FAF2: variants seen among roughly 807,000 people sequenced by gnomAD.
FAF2 encodes Fas associated factor family member 2.
FAF2 carries 9 observed loss-of-function variants against 62.3 expected under a neutral mutation model. That is an observed-to-expected ratio of 0.14 (90% CI 0.09 to 0.25). The LOEUF (loss-of-function observed/expected upper bound fraction) is 0.25, where lower values mean the gene tolerates loss of function less well. FAF2 is among the 10% of genes least tolerant of loss of function. The pLI, the probability that FAF2 is intolerant of heterozygous loss-of-function variation, is 1.00. For missense variants in FAF2, 368 were observed against 556.2 expected (o/e 0.66, Z 3.40); for synonymous variants, 202 against 198.0 (o/e 1.02, Z -0.17).
At chr5:176,479,799 C>T (rs767462338) in intron 2 of FAF2, among the ~76,000 whole-genome samples, 2 of 152,008 alleles carry the variant, frequency 1.3e-5, no homozygotes, top group Non-Finnish European at 2.9e-5. Flanking sequence ...CAAGTTCAAG[C>T]GATTCTCCTA....
intron 9 of FAF2, 51 bp from the exon 10 acceptor site, chr5:176,499,952 T>C (rs1427223926): frequency 6.3e-7 from 1 of 1,598,932 alleles, no homozygotes. Flanking sequence ...TACATGGTCA[T>C]TGTATTTATT....
At chr5:176,473,864 A>G (rs1425297393) in intron 1 of FAF2, among the ~76,000 whole-genome samples, 3 of 152,214 alleles carry the variant, frequency 2.0e-5, no homozygotes, top group Middle Eastern at 3.4e-3. Context: ...TTGGCTTCCC[A>G]AAGTGTTAGG....
At chr5:176,487,210 G>C (rs181226357) in intron 3 of FAF2, among the ~76,000 whole-genome samples, 28 of 152,092 alleles carry the variant, frequency 1.8e-4, no homozygotes, top group African/African-American at 6.8e-4. Context: ...TTTGAGACAG[G>C]GTCTCACTCT....
intron 2 of FAF2, among the ~76,000 whole-genome samples, chr5:176,482,278 C>T (rs796648306): frequency 9.5e-5 from 14 of 147,718 alleles, no homozygotes; most frequent in Admixed American, 2.7e-4. Context: ...AGTGCAGAGG[C>T]GTGATCACGG....
Position 176,496,483 on chromosome 5 carries a change from C to G in FAF2, c.662-3C>G, listed in dbSNP as rs1755487880. Reference sequence around the variant, plus strand: ...CCCTTGATCTGTTGGGTCTTTTTATCAGTCTCACAGGCTTTACGAGAGAAC... The same window carrying G: ...CCCTTGATCTGTTGGGTCTTTTTATGAGTCTCACAGGCTTTACGAGAGAAC... On this transcript the variant is annotated splice_region_variant and splice_polypyrimidine_tract_variant and intron_variant, in intron 7 of 10. Coordinates refer to ENST00000261942, the MANE Select transcript of FAF2 (RefSeq NM_014613.3). 1 of 1,565,190 alleles carries G rather than the reference C, an allele frequency of 6.4e-7. No individual in the cohort carries two copies. The highest frequency in any genetic ancestry group is 8.6e-7 in the Non-Finnish European group (1 of 1,158,410).
chr5:176,452,213 A>G lies in FAF2; in HGVS notation c.63+3743A>G, dbSNP rs187357373. Among the ~76,000 whole-genome samples, 5 of 151,916 alleles carry G rather than the reference A, an allele frequency of 3.3e-5. No homozygotes were observed. In the Admixed American group the frequency reaches 3.3e-4, roughly 10 times the overall value. ...GCTGGGATTACAAGTGCCTGCCACCATGCCTGGCTAATTTTTGTATTTTTA... is the reference window on the plus strand; with the variant it reads ...GCTGGGATTACAAGTGCCTGCCACCGTGCCTGGCTAATTTTTGTATTTTTA... On this transcript the variant is annotated intron_variant, in intron 1 of 10. Coordinates refer to ENST00000261942, the MANE Select transcript of FAF2 (RefSeq NM_014613.3).
chr5:176,461,777 T>G (rs977837433), intron 1 of FAF2, among the ~76,000 whole-genome samples: 2 of 152,160 alleles, frequency 1.3e-5, no homozygotes, highest in African/African-American at 4.8e-5. Flanking sequence ...ATAGTTTCTT[T>G]TACTGTGTAG....
At chr5:176,489,749 G>A (rs1370226700) in intron 4 of FAF2, among the ~76,000 whole-genome samples, 1 of 152,196 alleles carries the variant, frequency 6.6e-6, no homozygotes, top group Admixed American at 6.6e-5. Flanking sequence ...GTCTCATTTT[G>A]TTGGCCAGGC....
chr5:176,484,566 G>A (rs1469088701), intron 2 of FAF2, among the ~76,000 whole-genome samples: 1 of 152,178 alleles, frequency 6.6e-6, no homozygotes, highest in Non-Finnish European at 1.5e-5. Flanking sequence ...AGCTATGCTA[G>A]AGAGAAGCCA....
chr5:176,451,827 T>TATATATATATACACACATATATATAC (rs1581465585), intron 1 of FAF2, among the ~76,000 whole-genome samples: 2 of 44,574 alleles, frequency 4.5e-5, no homozygotes, highest in African/African-American at 1.7e-4. Context: ...TATATATATA[T>TATATATATATACACACATATATATAC]ACATATATAT....
intron 1 of FAF2, among the ~76,000 whole-genome samples, chr5:176,456,798 A>G (rs548736043): frequency 1.3e-5 from 2 of 152,232 alleles, no homozygotes; most frequent in Non-Finnish European, 2.9e-5. Flanking sequence ...TTTGAAATCA[A>G]CTTTTTAAAG....
rs545575772 is a variant in FAF2, at chr5:176,474,275, A to G, written c.64-4913A>G. ...TTCTACAGACAGAAAACTGGCTTTC[A>G]TCATTCACCATCTTTTTACTTAATT... is the stretch of plus-strand genomic sequence containing the variant. On this transcript the variant is annotated intron_variant, in intron 1 of 10. Transcript: ENST00000261942. 3.9e-5 allele frequency among the ~76,000 whole-genome samples: 6 copies of G among 152,328 alleles called. No homozygotes were observed. The South Asian group carries it at 1.2e-3, about 32-fold the overall frequency.
intron 10 of FAF2, among the ~76,000 whole-genome samples, chr5:176,502,809 G>C (rs1375312006): frequency 6.6e-6 from 1 of 152,166 alleles, no homozygotes; most frequent in East Asian, 1.9e-4. Flanking sequence ...CAGCACTTTG[G>C]GGGGCCGAGG....
chr5:176,475,767 TAAA>T (rs776213068), intron 1 of FAF2, among the ~76,000 whole-genome samples: 3 of 133,780 alleles, frequency 2.2e-5, no homozygotes, highest in Non-Finnish European at 1.6e-5. Context: ...AGACTTCGTC[TAAA>T]AAAAAAAAAA....
At chr5:176,501,481 T>C (rs1475386402) in intron 10 of FAF2, among the ~76,000 whole-genome samples, 1 of 152,174 alleles carries the variant, frequency 6.6e-6, no homozygotes, top group Non-Finnish European at 1.5e-5. Flanking sequence ...AGATTTCCCA[T>C]TAGTGAACTA....
intron 1 of FAF2, among the ~76,000 whole-genome samples, chr5:176,455,167 T>A (rs1157453443): frequency 1.3e-5 from 2 of 152,244 alleles, no homozygotes; most frequent in Non-Finnish European, 2.9e-5. Flanking sequence ...GTACACTTAC[T>A]GCTTGGCAAG....
chr5:176,492,542 A>C (rs560437103), intron 5 of FAF2, among the ~76,000 whole-genome samples: 1 of 152,296 alleles, frequency 6.6e-6, no homozygotes, highest in Non-Finnish European at 1.5e-5. Context: ...TCTTTTCTGC[A>C]TAACTTATTT....
At chr5:176,450,312 C>T (rs1758140542) in intron 1 of FAF2, among the ~76,000 whole-genome samples, 1 of 152,178 alleles carries the variant, frequency 6.6e-6, no homozygotes, top group South Asian at 2.1e-4. Flanking sequence ...ATGAGTTAAA[C>T]AGACAACCAG....
At position 176,494,333 on chromosome 5, in the gene FAF2, G is replaced by A; in HGVS notation, c.661+58G>A. On this transcript the variant is annotated intron_variant, in intron 7 of 10. Coordinates refer to ENST00000261942, the MANE Select transcript of FAF2 (RefSeq NM_014613.3). The surrounding 1 kb of genome is among the most constrained non-coding windows in gnomAD (Gnocchi z 4.0). Reference sequence around the variant, plus strand: ...GTTGGAGTATCTTTGGAATAGTCTGGAAAGACATGCCATGCCATTTATTAC... The same window carrying A: ...GTTGGAGTATCTTTGGAATAGTCTGAAAAGACATGCCATGCCATTTATTAC... 1 of 1,377,730 alleles carries A rather than the reference G, an allele frequency of 7.3e-7. No homozygotes were observed. 85.3% of individuals were successfully genotyped at this position (1,377,730 alleles called of 1,614,324 possible). A position where few individuals can be genotyped will look rare whatever the true frequency, so the allele number is the denominator to read the frequency against.
Sources: allele counts gnomAD v4.1 joint callset (sites outside exome capture counted in the v4.1 genomes callset), GRCh38; gene constraint gnomAD v4.1.1; non-coding constraint Gnocchi (gnomAD v3.1); transcripts MANE v1.5; gene names NCBI Gene and HGNC (gene_info 2026-07-23, HGNC 2026-07-21).